Variants in SMIM23 observed in about 807,000 individuals in gnomAD.
SMIM23 encodes the protein small integral membrane protein 23.
SMIM23 carries 10 observed loss-of-function variants against 12.8 expected under a neutral mutation model. That is an observed-to-expected ratio of 0.78 (90% CI 0.48 to 1.32). SMIM23 has a LOEUF of 1.32. Among genes scored for constraint, SMIM23 ranks in the 40% most tolerant of loss-of-function variants. SMIM23 has a pLI of 0.00. For synonymous variants in SMIM23, 78 were observed against 80.1 expected (o/e 0.97, Z 0.14); for missense variants, 184 against 198.2 (o/e 0.93, Z 0.43).
intron 1 of SMIM23, among the ~76,000 whole-genome samples, chr5:171,786,703 G>A (rs917236736): frequency 6.6e-6 from 1 of 152,074 alleles, no homozygotes; most frequent in Non-Finnish European, 1.5e-5. Context: ...TACATGCACC[G>A]AGCGCCTTCT....
At chr5:171,785,052 A>G, upstream of SMIM23, among the ~76,000 whole-genome samples, 1 of 152,240 alleles carries the variant, frequency 6.6e-6, no homozygotes, top group Middle Eastern at 3.2e-3. Context: ...GTCGGGAGGC[A>G]GCAGCCATCA....
intron 1 of SMIM23, among the ~76,000 whole-genome samples, chr5:171,787,015 T>C (rs1184200054): frequency 2.1e-3 from 123 of 57,486 alleles, no homozygotes; most frequent in Non-Finnish European, 2.4e-3. Context: ...TTTTTTTTTT[T>C]TTTTTTTTTT....
upstream of SMIM23, among the ~76,000 whole-genome samples, chr5:171,777,476 A>G (rs1307528690): frequency 6.6e-6 from 1 of 152,170 alleles, no homozygotes; most frequent in African/African-American, 2.4e-5. Context: ...CTGTGGCCCT[A>G]GCAGGCAAGC....
At chr5:171,790,705 G>C in intron 3 of SMIM23, 90 bp from the exon 4 acceptor site, 1 of 1,458,580 alleles carries the variant, frequency 6.9e-7, no homozygotes, top group Admixed American at 2.0e-5. Flanking sequence ...CATGTGCAAA[G>C]GCCCAGGGAT....
At chr5:171,782,015 C>T (rs1007277195), upstream of SMIM23, among the ~76,000 whole-genome samples, 1 of 152,214 alleles carries the variant, frequency 6.6e-6, no homozygotes, top group East Asian at 1.9e-4. Flanking sequence ...GGAATAAAAG[C>T]TGGCCTCTGC....
rs1270343657 is a variant in SMIM23, at chr5:171,785,929, C to T, written c.58C>T (p.Gln20Ter). Residue 20 changes from glutamine (Q) to a stop codon, truncating the protein, a stop_gained, in exon 1 of 4, where the codon CAG (glutamine) becomes TAG (stop). Transcript: ENST00000523047. LOFTEE classifies it high-confidence loss of function. ...RQVAAEQVAA[Q>*]LLERRRGSHC... ...GGTGGCAGCAGAGCAGGTGGCAGCC[C>T]AGCTGCTTGAACGGAGAAGGGGCAG... 2.0e-6 allele frequency: 3 copies of T among 1,536,170 alleles called. No homozygotes were observed. The highest frequency in any genetic ancestry group is 2.4e-5 in the South Asian group (2 of 84,062).
upstream of SMIM23, among the ~76,000 whole-genome samples, chr5:171,779,199 A>G (rs1334189451): frequency 6.6e-6 from 1 of 152,202 alleles, no homozygotes; most frequent in Admixed American, 6.5e-5. Context: ...CATACAAAAG[A>G]CTGAATTTCT....
chr5:171,775,081 A>G, the SMIM23 span, among the ~76,000 whole-genome samples: 1 of 152,054 alleles, frequency 6.6e-6, no homozygotes, highest in Admixed American at 6.6e-5. Flanking sequence ...TCAACCTTAG[A>G]CTGCTAGTTA....
At chr5:171,787,703 T>C (rs1282469366) in intron 1 of SMIM23, among the ~76,000 whole-genome samples, 1 of 152,268 alleles carries the variant, frequency 6.6e-6, no homozygotes, top group East Asian at 1.9e-4. Context: ...GCATTGGGTG[T>C]ACACACAGAT....
intron 1 of SMIM23, among the ~76,000 whole-genome samples, chr5:171,789,647 C>T (rs561292894): frequency 2.0e-5 from 3 of 152,154 alleles, no homozygotes; most frequent in African/African-American, 2.4e-5. Context: ...AGAGGCATTT[C>T]GAAAACATTG....
At chr5:171,788,077 AATTT>A (rs1755850951) in intron 1 of SMIM23, among the ~76,000 whole-genome samples, 1 of 151,286 alleles carries the variant, frequency 6.6e-6, no homozygotes. Context: ...GTGTGTAAGA[AATTT>A]ATTCTTTCTT....
In SMIM23 at chr5:171,785,837, G is replaced by A; in HGVS notation, c.-35G>A. 2 of 1,504,558 alleles carry A rather than the reference G, an allele frequency of 1.3e-6. No homozygotes were observed. Among genetic ancestry groups the A allele is most frequent in the South Asian group, 2.4e-5 (2 of 83,442 alleles). The allele number at this position is 1,504,558 out of a possible 1,614,324, so 93.2% of individuals were successfully genotyped here. On this transcript the variant is annotated 5_prime_UTR_variant, in exon 1 of 4. Coordinates refer to ENST00000523047, the MANE Select transcript of SMIM23 (RefSeq NM_001289970.2). ...GGGGAAGGGTGCCCTTCTGTCTGTTGAGTGTGGTCCACCCAGGCAGCCAGA... is the reference window on the plus strand; with the variant it reads ...GGGGAAGGGTGCCCTTCTGTCTGTTAAGTGTGGTCCACCCAGGCAGCCAGA...
the SMIM23 span, among the ~76,000 whole-genome samples, chr5:171,775,082 C>T: frequency 6.6e-6 from 1 of 152,202 alleles, no homozygotes; most frequent in African/African-American, 2.4e-5. Context: ...CAACCTTAGA[C>T]TGCTAGTTAC....
rs1581073286 is a variant in SMIM23, at chr5:171,785,825, C to T, written c.-47C>T. The T allele has an allele frequency of 1.4e-6, 2 of 1,468,436 alleles. No individual in the cohort carries two copies. The highest frequency in any genetic ancestry group is 1.8e-6 in the Non-Finnish European group (2 of 1,085,242). 91.0% of individuals were successfully genotyped at this position (1,468,436 alleles called of 1,614,324 possible). ...ACAGGTGGGGGAGGGGAAGGGTGCC[C>T]TTCTGTCTGTTGAGTGTGGTCCACC... On this transcript the variant is annotated 5_prime_UTR_variant, in exon 1 of 4. Coordinates refer to ENST00000523047, the MANE Select transcript of SMIM23 (RefSeq NM_001289970.2).
chr5:171,774,086 T>C, the SMIM23 span: 1 of 357,692 alleles, frequency 2.8e-6, no homozygotes, highest in Non-Finnish European at 5.5e-6. Flanking sequence ...AAAAATGGCA[T>C]CTATTCAGAA....
At chr5:171,782,672 G>C (rs254920), upstream of SMIM23, 9 of 152,174 alleles carry the variant, frequency 5.9e-5, no homozygotes, top group Admixed American at 4.6e-4. Context: ...GCCAAGTACT[G>C]TGAATACAAA....
chr5:171,773,578 A>T, the SMIM23 span: 2 of 337,516 alleles, frequency 5.9e-6, no homozygotes, highest in East Asian at 1.8e-4. Flanking sequence ...CAGACTGAAA[A>T]ATGCACAGAA....
chr5:171,786,294 A>G (rs1755816124), intron 1 of SMIM23, among the ~76,000 whole-genome samples: 1 of 152,182 alleles, frequency 6.6e-6, no homozygotes, highest in Non-Finnish European at 1.5e-5. Flanking sequence ...GAATGAACTG[A>G]TAATACTCCT....
chr5:171,779,790 C>G (rs543015401), upstream of SMIM23, among the ~76,000 whole-genome samples: 3 of 148,934 alleles, frequency 2.0e-5, no homozygotes, highest in Non-Finnish European at 3.0e-5. Context: ...GGGAATGAAG[C>G]GAGGAAGGCA....
Sources: allele counts gnomAD v4.1 joint callset (sites outside exome capture counted in the v4.1 genomes callset), GRCh38; gene constraint gnomAD v4.1.1; transcripts MANE v1.5; gene names NCBI Gene and HGNC (gene_info 2026-07-23, HGNC 2026-07-21).